RABGAP1L: variants seen among roughly 807,000 people sequenced by gnomAD.
RABGAP1L encodes the protein rab GTPase-activating protein 1-like.
RABGAP1L carries 63 observed loss-of-function variants against 137.7 expected under a neutral mutation model. That is an observed-to-expected ratio of 0.46 (90% CI 0.37 to 0.56). The LOEUF (loss-of-function observed/expected upper bound fraction) is 0.56. Among genes scored for constraint, RABGAP1L ranks in the 20% least tolerant of loss-of-function variants. RABGAP1L has a pLI of 0.00. For missense variants in RABGAP1L, 1,095 were observed against 1,244.0 expected (o/e 0.88, Z 1.80); for synonymous variants, 431 against 433.7 (o/e 0.99, Z 0.08).
intron 13 of RABGAP1L, among the ~76,000 whole-genome samples, chr1:174,433,748 T>G (rs187037869): frequency 6.6e-6 from 1 of 152,340 alleles, no homozygotes; most frequent in Admixed American, 6.5e-5. Flanking sequence ...GTAGCTCTCA[T>G]TCTTTATGGC....
intron 1 of RABGAP1L, among the ~76,000 whole-genome samples, chr1:174,178,203 A>C (rs747548787): frequency 3.3e-5 from 5 of 152,168 alleles, no homozygotes; most frequent in South Asian, 2.1e-4. Context: ...CATGTCCCTT[A>C]TAAGTTGTAT....
intron 19 of RABGAP1L, among the ~76,000 whole-genome samples, chr1:174,908,885 A>G (rs1659568221): frequency 6.7e-6 from 1 of 150,326 alleles, no homozygotes; most frequent in Non-Finnish European, 1.5e-5. Context: ...TGAAAGTACT[A>G]AAAAGGGGCC....
chr1:174,867,666 G>A (rs985142866), intron 19 of RABGAP1L, among the ~76,000 whole-genome samples: 2 of 152,210 alleles, frequency 1.3e-5, no homozygotes, highest in South Asian at 2.1e-4. Flanking sequence ...ATTTATCTGA[G>A]ACAGAGTCTT....
chr1:174,589,736 T>A (rs972136314), intron 13 of RABGAP1L, among the ~76,000 whole-genome samples: 3 of 152,208 alleles, frequency 2.0e-5, no homozygotes, highest in Non-Finnish European at 4.4e-5. Context: ...ACAATGTATG[T>A]TCTTGGCATG....
intron 13 of RABGAP1L, among the ~76,000 whole-genome samples, chr1:174,602,456 C>A (rs1277484299): frequency 6.6e-6 from 1 of 152,140 alleles, no homozygotes; most frequent in Admixed American, 6.5e-5. Flanking sequence ...AGACCACACC[C>A]CCATGATTCA....
chr1:174,357,976 C>G (rs1471708168), intron 11 of RABGAP1L, among the ~76,000 whole-genome samples: 4 of 152,158 alleles, frequency 2.6e-5, no homozygotes, highest in Non-Finnish European at 5.9e-5. Context: ...CTGTTATCGT[C>G]CCCATGTTAG....
Position 174,993,956 on chromosome 1 carries a change from TTTTG to T in RABGAP1L, c.*3959_*3962del, listed in dbSNP as rs1398260139. Reference sequence around the variant, plus strand: ...ATTTTATATAGAGTATCTCTGCTGCTTTTGTTTACCTGGGTACCACACAACCAAA... The same window carrying T: ...ATTTTATATAGAGTATCTCTGCTGCTTTTACCTGGGTACCACACAACCAAA... On this transcript the variant is annotated 3_prime_UTR_variant, in exon 26 of 26. Transcript: ENST00000681986. The T allele has an allele frequency of 2.6e-5, 4 of 152,244 alleles. No individual in the cohort carries two copies. The highest frequency in any genetic ancestry group is 6.5e-5 in the Admixed American group (1 of 15,288). The allele number at this position is 152,244 out of a possible 1,614,324, so 9.4% of individuals were successfully genotyped here. A position where few individuals can be genotyped will look rare whatever the true frequency, so the allele number is the denominator to read the frequency against.
chr1:174,159,930 A>G (rs1216229133), intron 1 of RABGAP1L: 2 of 152,132 alleles, frequency 1.3e-5, no homozygotes, highest in African/African-American at 2.4e-5. Context: ...GGGGTGGGGT[A>G]GTGGCTTTGG....
At chr1:174,597,185 TG>T (rs1670010968) in intron 13 of RABGAP1L, among the ~76,000 whole-genome samples, 1 of 152,172 alleles carries the variant, frequency 6.6e-6, no homozygotes, top group Non-Finnish European at 1.5e-5. Flanking sequence ...TTTCTTTTTT[TG>T]ATGTGTCTTT....
chr1:174,641,891 C>G (rs1333928944), intron 14 of RABGAP1L, among the ~76,000 whole-genome samples: 4 of 152,132 alleles, frequency 2.6e-5, no homozygotes, highest in Non-Finnish European at 4.4e-5. Context: ...GTTATTAGCT[C>G]TGGCTCTCAA....
At chr1:174,446,131 T>A (rs1011807622) in intron 13 of RABGAP1L, among the ~76,000 whole-genome samples, 1 of 152,196 alleles carries the variant, frequency 6.6e-6, no homozygotes, top group Non-Finnish European at 1.5e-5. Flanking sequence ...GAGTCATTGA[T>A]GCTGAGAGAT....
chr1:174,306,459 A>G (rs1012379590), intron 11 of RABGAP1L, among the ~76,000 whole-genome samples: 3 of 152,146 alleles, frequency 2.0e-5, no homozygotes, highest in Non-Finnish European at 2.9e-5. Flanking sequence ...TCGCCATTCT[A>G]ACTGGTGTGA....
intron 18 of RABGAP1L, among the ~76,000 whole-genome samples, chr1:174,811,020 T>C (rs1447352401): frequency 6.6e-6 from 1 of 152,068 alleles, no homozygotes; most frequent in Admixed American, 6.6e-5. Flanking sequence ...GAGGATCACT[T>C]GAGCCTGGGA....
intron 18 of RABGAP1L, among the ~76,000 whole-genome samples, chr1:174,754,017 A>G (rs1684533771): frequency 6.6e-6 from 1 of 152,200 alleles, no homozygotes; most frequent in African/African-American, 2.4e-5. Flanking sequence ...ATACATTAGT[A>G]AATTATCTTC....
intron 19 of RABGAP1L, among the ~76,000 whole-genome samples, chr1:174,837,054 A>C (rs1692823779): frequency 6.6e-6 from 1 of 152,160 alleles, no homozygotes; most frequent in African/African-American, 2.4e-5. Flanking sequence ...TGAAAATACA[A>C]AAATTAGCTG....
At chr1:174,244,014 C>A (rs1036654977) in intron 5 of RABGAP1L, among the ~76,000 whole-genome samples, 3 of 152,108 alleles carry the variant, frequency 2.0e-5, no homozygotes, top group Non-Finnish European at 2.9e-5. Flanking sequence ...TTTACCTGGC[C>A]CTTTTGCAGA....
intron 10 of RABGAP1L, among the ~76,000 whole-genome samples, chr1:174,280,048 GGAGAGAGAGAGAGAGAGAGAGA>G (rs59262212): frequency 2.3e-4 from 29 of 125,254 alleles, no homozygotes; most frequent in African/African-American, 7.4e-4. Flanking sequence ...CTGTCTGCCT[GGAGAGAGAGAGAGAGAGAGAGA>G]GAGAGAGAGA....
chr1:174,347,499 G>T (rs7516650), intron 11 of RABGAP1L, among the ~76,000 whole-genome samples: 97,949 of 130,600 alleles, frequency 0.75, 33,438 homozygotes, highest in Admixed American at 0.8. Context: ...GTGTGTGTGT[G>T]TTTTTTTCTT....
intron 19 of RABGAP1L, among the ~76,000 whole-genome samples, chr1:174,879,004 G>C (rs906217911): frequency 3.0e-5 from 4 of 132,476 alleles, no homozygotes; most frequent in Non-Finnish European, 6.1e-5. Context: ...CACGATTTCA[G>C]CTCACTGCAA....
Sources: gnomAD v4.1 joint callset for allele counts (sites outside exome capture counted in the v4.1 genomes callset) on GRCh38, gnomAD v4.1.1 for gene constraint, MANE v1.5 for transcripts, NCBI Gene and HGNC (gene_info 2026-07-23, HGNC 2026-07-21) for gene names.